PACRG: variants seen among roughly 807,000 people sequenced by gnomAD.
The protein encoded by PACRG is parkin coregulated gene protein.
In PACRG, 29 loss-of-function variants were observed where a neutral mutation model predicts 29.7. The observed-to-expected ratio is 0.98, with a 90% CI of 0.73 to 1.33. The LOEUF (loss-of-function observed/expected upper bound fraction) is 1.33, where lower values mean the gene tolerates loss of function less well. Ranked by LOEUF, PACRG falls within the 40% of genes most tolerant of loss-of-function variation. The pLI is 0.00. For missense variants in PACRG, 279 were observed against 316.2 expected, an observed-to-expected ratio of 0.88 and a Z score of 0.89; for synonymous variants, 116 against 118.7, an observed-to-expected ratio of 0.98 and a Z score of 0.15.
At chr6:163,163,128 C>T (rs1405439598) in intron 4 of PACRG, among the ~76,000 whole-genome samples, 1 of 152,220 alleles carries the variant, frequency 6.6e-6, no homozygotes, top group African/African-American at 2.4e-5. Flanking sequence ...CTTTTTCTTT[C>T]CAATTAAGTG....
At chr6:163,200,488 G>T (rs552192373) in intron 4 of PACRG, among the ~76,000 whole-genome samples, 1 of 152,062 alleles carries the variant, frequency 6.6e-6, no homozygotes, top group African/African-American at 2.4e-5. Flanking sequence ...GGGTATGAAC[G>T]TGGGCACGTG....
intron 1 of PACRG, among the ~76,000 whole-genome samples, chr6:162,755,135 A>T (rs191920789): frequency 3.3e-5 from 5 of 151,718 alleles, no homozygotes; most frequent in African/African-American, 9.7e-5. Context: ...ATCATTCGTG[A>T]TGTCTCCTCT....
intron 2 of PACRG, among the ~76,000 whole-genome samples, chr6:162,982,266 T>C (rs552155161): frequency 6.6e-6 from 1 of 152,190 alleles, no homozygotes; most frequent in Non-Finnish European, 1.5e-5. Flanking sequence ...TTCATTTATC[T>C]TTTATATTGT....
intron 1 of PACRG, among the ~76,000 whole-genome samples, chr6:162,802,495 A>G (rs1272848346): frequency 6.6e-6 from 1 of 152,216 alleles, no homozygotes; most frequent in Non-Finnish European, 1.5e-5. Context: ...AAGTGGTTAT[A>G]TAATTTATGA....
Position 162,728,178 on chromosome 6 carries a change from T to G in PACRG, c.-58T>G. 6.3e-7 allele frequency: 1 copy of G among 1,582,832 alleles called. No homozygotes were observed. The highest frequency in any genetic ancestry group is 8.6e-7 in the Non-Finnish European group (1 of 1,162,712). On this transcript the variant is annotated 5_prime_UTR_variant, in exon 1 of 5. Transcript: ENST00000366888. ...TTTCCAGACCTCCTGCTCACATCCG[T>G]AAAGCCCACTGATTCTTTTACTACA...
At chr6:163,048,147 T>G (rs503173) in intron 2 of PACRG, among the ~76,000 whole-genome samples, 62,930 of 151,926 alleles carry the variant, frequency 0.41, 14,174 homozygotes, top group East Asian at 0.7. Context: ...AAACAGTTCT[T>G]TTTTTTCCCT....
At chr6:162,783,861 A>G (rs2128316487) in intron 1 of PACRG, among the ~76,000 whole-genome samples, 1 of 152,192 alleles carries the variant, frequency 6.6e-6, no homozygotes, top group South Asian at 2.1e-4. Flanking sequence ...AACAGTTGAT[A>G]TTATCAATGC....
intron 2 of PACRG, among the ~76,000 whole-genome samples, chr6:162,879,265 A>G (rs1217158946): frequency 2.0e-5 from 3 of 152,246 alleles, no homozygotes; most frequent in Admixed American, 6.5e-5. Context: ...TCTGTTCTAT[A>G]GAAATCGTCC....
At chr6:163,024,266 C>T (rs933571381) in intron 2 of PACRG, among the ~76,000 whole-genome samples, 1 of 152,112 alleles carries the variant, frequency 6.6e-6, no homozygotes, top group South Asian at 2.1e-4. Flanking sequence ...GATAGGGGTC[C>T]AGATTCAATC....
chr6:163,034,739 T>A (rs770402365), intron 2 of PACRG, among the ~76,000 whole-genome samples: 1 of 152,132 alleles, frequency 6.6e-6, no homozygotes, highest in Non-Finnish European at 1.5e-5. Context: ...AGTTAGCCTT[T>A]GGGTCCCTTT....
chr6:162,778,426 A>G (rs1238874812), intron 1 of PACRG, among the ~76,000 whole-genome samples: 1 of 152,210 alleles, frequency 6.6e-6, no homozygotes, highest in African/African-American at 2.4e-5. Context: ...AAACACGTTT[A>G]AAGCACATAT....
chr6:163,312,232 A>G (rs966537813), intron 4 of PACRG, among the ~76,000 whole-genome samples: 3 of 152,182 alleles, frequency 2.0e-5, no homozygotes, highest in African/African-American at 7.2e-5. Flanking sequence ...GCACACAAAG[A>G]TGAGCCCAAC....
chr6:163,203,020 T>G (rs1015225350), intron 4 of PACRG, among the ~76,000 whole-genome samples: 5 of 152,124 alleles, frequency 3.3e-5, no homozygotes, highest in Non-Finnish European at 5.9e-5. Flanking sequence ...GTTGCCTGCT[T>G]GCCACAGCTG....
chr6:162,775,043 C>A (rs371671231), intron 1 of PACRG, among the ~76,000 whole-genome samples: 1 of 152,222 alleles, frequency 6.6e-6, no homozygotes, highest in Admixed American at 6.5e-5. Context: ...TTAAAAGGTG[C>A]GGCCTTGGAG....
chr6:162,758,654 A>C (rs571613939), intron 1 of PACRG, among the ~76,000 whole-genome samples: 8 of 152,350 alleles, frequency 5.3e-5, no homozygotes, highest in African/African-American at 1.9e-4. Flanking sequence ...TATACTATCC[A>C]TGTGCTGAGT....
intron 1 of PACRG, among the ~76,000 whole-genome samples, chr6:162,774,713 T>C (rs933871660): frequency 6.6e-6 from 1 of 152,234 alleles, no homozygotes; most frequent in East Asian, 1.9e-4. Context: ...TTTCTAGCTT[T>C]CTTGTAGTCT....
At chr6:163,190,732 G>T in intron 4 of PACRG, 1 of 232,986 alleles carries the variant, frequency 4.3e-6, no homozygotes, top group Non-Finnish European at 8.8e-6. Context: ...CTAGAATTGG[G>T]CAAAAGTGTA....
chr6:163,131,761 G>A (rs545883148), intron 4 of PACRG, among the ~76,000 whole-genome samples: 27 of 152,228 alleles, frequency 1.8e-4, no homozygotes, highest in African/African-American at 5.5e-4. Flanking sequence ...ACGTGAGCGT[G>A]CTATTAGATG....
intron 4 of PACRG, among the ~76,000 whole-genome samples, chr6:163,214,140 T>C (rs1056314417): frequency 6.6e-6 from 1 of 152,178 alleles, no homozygotes; most frequent in African/African-American, 2.4e-5. Context: ...TATTCACTGT[T>C]TACTCTGTCC....
Sources: gnomAD v4.1 joint callset for allele counts (sites outside exome capture counted in the v4.1 genomes callset) on GRCh38, gnomAD v4.1.1 for gene constraint, MANE v1.5 for transcripts, NCBI Gene and HGNC (gene_info 2026-07-23, HGNC 2026-07-21) for gene names.